Variants in QRICH1 observed in about 807,000 individuals in gnomAD.
QRICH1 encodes the protein transcriptional regulator QRICH1.
In QRICH1, 16 loss-of-function variants were observed where a neutral mutation model predicts 87.1. That is an observed-to-expected ratio of 0.18 (90% CI 0.12 to 0.28). The LOEUF (loss-of-function observed/expected upper bound fraction) is 0.28, where lower values mean the gene tolerates loss of function less well. Among genes scored for constraint, QRICH1 ranks in the 10% least tolerant of loss-of-function variants. The pLI, the probability that QRICH1 is intolerant of heterozygous loss-of-function variation, is 1.00. For synonymous variants in QRICH1, 367 were observed against 368.4 expected (o/e 1.00, Z 0.05); for missense variants, 647 against 951.7 (o/e 0.68, Z 4.21).
At chr3:49,065,159 G>A (rs529055008) in intron 2 of QRICH1, among the ~76,000 whole-genome samples, 16 of 146,058 alleles carry the variant, frequency 1.1e-4, no homozygotes, top group African/African-American at 3.8e-4. Flanking sequence ...TTTTGGAGAT[G>A]GAGTCTCACT....
At chr3:49,038,824 C>CA (rs1481247124) in intron 6 of QRICH1, among the ~76,000 whole-genome samples, 1 of 152,002 alleles carries the variant, frequency 6.6e-6, no homozygotes, top group East Asian at 1.9e-4. Context: ...GTTAGAGGTT[C>CA]AAGACAAGCC....
At chr3:49,050,491 G>A (rs1182053515) in intron 3 of QRICH1, among the ~76,000 whole-genome samples, 1 of 145,688 alleles carries the variant, frequency 6.9e-6, no homozygotes, top group African/African-American at 2.5e-5. Context: ...GGCAAAAAAT[G>A]AATTCAAATC....
At position 49,033,429 on chromosome 3, in the gene QRICH1, G is replaced by C. The variant is rs541912970; in HGVS notation, c.1787-201C>G. ...CCAATCTGTTTCTGAGGTGGAACCT[G>C]ATGATGAGCACTTCTAACACCACAC... On this transcript the variant is annotated intron_variant, in intron 6 of 9. Coordinates refer to ENST00000395443, the MANE Select transcript of QRICH1 (RefSeq NM_198880.3). 108 of 387,290 alleles carry C rather than the reference G, an allele frequency of 2.8e-4. 2 individuals are homozygous for C. The South Asian group carries it at 3.5e-3, about 12-fold the overall frequency. 24.0% of individuals were successfully genotyped at this position (387,290 alleles called of 1,614,324 possible). A position where few individuals can be genotyped will look rare whatever the true frequency, so the allele number is the denominator to read the frequency against.
At position 49,080,506 on chromosome 3, in the gene QRICH1, T is replaced by A. The variant is rs201059189; in HGVS notation, c.-21-3468A>T. Among the ~76,000 whole-genome samples the A allele has an allele frequency of 4.6e-4, 69 of 150,390 alleles. 1 individual carries two copies. Among genetic ancestry groups the A allele is most frequent in the Middle Eastern group, 6.8e-3 (2 of 292 alleles). ...ACAAAAACAACAACAAAAAATAATT[T>A]AAAAAAAAACAAGAAAAAAGAAACA... On this transcript the variant is annotated intron_variant, in intron 1 of 9. Coordinates refer to ENST00000395443, the MANE Select transcript of QRICH1 (RefSeq NM_198880.3).
intron 9 of QRICH1, 152 bp from the exon 10 acceptor site, chr3:49,030,796 C>T: frequency 1.4e-6 from 1 of 700,514 alleles, no homozygotes; most frequent in South Asian, 2.0e-5. Context: ...CACACTACAT[C>T]CTGGTCCTCC....
At chr3:49,061,882 A>G (rs1043201700) in intron 2 of QRICH1, among the ~76,000 whole-genome samples, 6 of 152,138 alleles carry the variant, frequency 3.9e-5, no homozygotes, top group Non-Finnish European at 4.4e-5. Flanking sequence ...ATGGCCAAGA[A>G]CCACATAAAA....
At chr3:49,032,423 G>T in intron 8 of QRICH1, 150 bp from the exon 9 acceptor site, 1 of 844,428 alleles carries the variant, frequency 1.2e-6, no homozygotes. Context: ...TGACTACTAA[G>T]GGAAGAGGCA....
chr3:49,033,839 T>C (rs1025548961), intron 6 of QRICH1: 2 of 151,886 alleles, frequency 1.3e-5, no homozygotes, highest in South Asian at 2.1e-4. Context: ...ACACAAAAAA[T>C]AGCCGGGTGT....
intron 2 of QRICH1, among the ~76,000 whole-genome samples, chr3:49,072,723 G>C (rs971868307): frequency 6.6e-6 from 1 of 151,922 alleles, no homozygotes; most frequent in East Asian, 1.9e-4. Flanking sequence ...CAATATACTC[G>C]TCTGCATTTT....
intron 6 of QRICH1, among the ~76,000 whole-genome samples, chr3:49,039,379 ATAAG>A (rs1030023967): frequency 1.8e-4 from 28 of 151,704 alleles, no homozygotes; most frequent in Admixed American, 1.2e-3. Flanking sequence ...AAATAAATAA[ATAAG>A]TAAGTAAGTA....
chr3:49,080,556 A>G (rs1259684707), intron 1 of QRICH1, among the ~76,000 whole-genome samples: 2 of 152,180 alleles, frequency 1.3e-5, no homozygotes, highest in Admixed American at 6.6e-5. Flanking sequence ...TACAGAACTG[A>G]AAAACCTTCG....
Position 49,094,008 on chromosome 3 carries a change from A to C in QRICH1, c.-118T>G. The stretch of plus-strand genomic sequence containing the variant: ...CTGGTTCTGCCGTCGTCGCTCCAAG[A>C]CCGACAGGGTTTTCTCCTCACAGCT... On this transcript the variant is annotated 5_prime_UTR_variant, in exon 1 of 10. Transcript: ENST00000395443. 2.5e-6 allele frequency: 1 copy of C among 399,068 alleles called. No homozygotes were observed. The highest frequency in any genetic ancestry group is 4.4e-6 in the Non-Finnish European group (1 of 226,478). The allele number at this position is 399,068 out of a possible 1,614,324, so 24.7% of individuals were successfully genotyped here.
At chr3:49,093,659 A>C in intron 1 of QRICH1, 1 of 177,282 alleles carries the variant, frequency 5.6e-6, no homozygotes, top group Non-Finnish European at 1.2e-5. Flanking sequence ...CGCGCGCGTA[A>C]AAACAGGCTC....
chr3:49,058,157 A>ATTTT, intron 2 of QRICH1: 1 of 353,328 alleles, frequency 2.8e-6, no homozygotes, highest in East Asian at 6.5e-5. Context: ...AAAAAAAAAA[A>ATTTT]TTTTTTTTTT....
At chr3:49,051,634 A>C (rs187023448) in intron 3 of QRICH1, among the ~76,000 whole-genome samples, 1,663 of 121,234 alleles carry the variant, frequency 0.014, 30 homozygotes, top group Middle Eastern at 0.082. Context: ...TACATCTCCA[A>C]CTGAACAACT....
At chr3:49,075,122 G>A (rs1432462492) in intron 2 of QRICH1, among the ~76,000 whole-genome samples, 1 of 150,516 alleles carries the variant, frequency 6.6e-6, no homozygotes, top group Non-Finnish European at 1.5e-5. Context: ...AAGAGTTCAA[G>A]ACCAGCCTGG....
chr3:49,047,127 G>C lies in QRICH1; in HGVS notation c.1458C>G (p.Ala486=). The C allele has an allele frequency of 6.2e-7, 1 of 1,614,084 alleles. No homozygotes were observed. Among genetic ancestry groups the C allele is most frequent in the South Asian group, 1.1e-5 (1 of 91,076 alleles). Reference sequence around the variant, plus strand: ...TCTCTAGTTCAGCATTCTTGGTCTGGGCCCAGTTTTTCCATACTTCAAGCC... The same window carrying C: ...TCTCTAGTTCAGCATTCTTGGTCTGCGCCCAGTTTTTCCATACTTCAAGCC... ...EEGLEVWKNW[A]QTKNAELEKD... is the part of the protein sequence containing the mutation. Residue 486 remains alanine, a synonymous_variant, in exon 4 of 10, where the codon GCC becomes GCG. Coordinates refer to ENST00000395443, the MANE Select transcript of QRICH1 (RefSeq NM_198880.3).
Position 49,057,664 on chromosome 3 carries a change from T to C in QRICH1, c.536A>G (p.Gln179Arg). 6.2e-7 allele frequency: 1 copy of C among 1,614,224 alleles called. No individual in the cohort carries two copies. Among genetic ancestry groups the C allele is most frequent in the Non-Finnish European group, 8.5e-7 (1 of 1,180,036 alleles). Residue 179 changes from glutamine to arginine, a missense_variant, in exon 3 of 10, where the codon CAG becomes CGG. Coordinates refer to ENST00000395443, the MANE Select transcript of QRICH1 (RefSeq NM_198880.3). The surrounding 1 kb of genome is among the most constrained non-coding windows in gnomAD (Gnocchi z 5.4). ...IQVQHVQAAQ[Q>R]IQAAEIPEEH... ...CTCCGGGATTTCTGCAGCCTGGATC[T>C]GCTGGGCTGCTTGCACGTGCTGCAC...
At chr3:49,069,123 T>TTTTTGG (rs2093486119) in intron 2 of QRICH1, among the ~76,000 whole-genome samples, 1 of 145,196 alleles carries the variant, frequency 6.9e-6, no homozygotes, top group African/African-American at 2.6e-5. Flanking sequence ...TTTTTTTTTT[T>TTTTTGG]GAGATAGTCT....
Sources: allele counts gnomAD v4.1 joint callset (sites outside exome capture counted in the v4.1 genomes callset), GRCh38; gene constraint gnomAD v4.1.1; non-coding constraint Gnocchi (gnomAD v3.1); transcripts MANE v1.5; gene names NCBI Gene and HGNC (gene_info 2026-07-23, HGNC 2026-07-21).